ENTREP2: variants seen among roughly 807,000 people sequenced by gnomAD.
ENTREP2 encodes the protein protein ENTREP2.
At chr15:29,148,744 C>T in the ENTREP2 span, among the ~76,000 whole-genome samples, 5 of 152,080 alleles carry the variant, frequency 3.3e-5, no homozygotes, top group Admixed American at 2.0e-4. Flanking sequence ...TGGAGTGCCT[C>T]GTGGTCTTTC....
chr15:29,166,942 A>G, the ENTREP2 span, among the ~76,000 whole-genome samples: 1 of 152,250 alleles, frequency 6.6e-6, no homozygotes, highest in South Asian at 2.1e-4. Flanking sequence ...CAAAGTTGCA[A>G]AACAGCATGG....
the ENTREP2 span, among the ~76,000 whole-genome samples, chr15:29,356,492 A>C: frequency 6.6e-6 from 1 of 150,990 alleles, no homozygotes; most frequent in Non-Finnish European, 1.5e-5. Flanking sequence ...TTTTTAGTAG[A>C]GACGGGGTTT....
the ENTREP2 span, among the ~76,000 whole-genome samples, chr15:29,628,409 T>C: frequency 6.6e-6 from 1 of 152,202 alleles, no homozygotes; most frequent in African/African-American, 2.4e-5. Flanking sequence ...TCTTTACATT[T>C]GTGAAGGTTT....
At chr15:29,482,044 C>A in the ENTREP2 span, among the ~76,000 whole-genome samples, 2 of 152,036 alleles carry the variant, frequency 1.3e-5, no homozygotes, top group African/African-American at 4.8e-5. Flanking sequence ...GTTGCCCAGG[C>A]TGGAGTACAG....
At chr15:29,649,728 A>C in the ENTREP2 span, among the ~76,000 whole-genome samples, 2 of 99,340 alleles carry the variant, frequency 2.0e-5, no homozygotes, top group Non-Finnish European at 4.1e-5. Flanking sequence ...CAACAACAAC[A>C]AAAAAAAAAA....
At chr15:29,603,012 A>T in the ENTREP2 span, among the ~76,000 whole-genome samples, 1 of 152,334 alleles carries the variant, frequency 6.6e-6, no homozygotes, top group East Asian at 1.9e-4. Context: ...GGGCAGAAAG[A>T]TGTGAAGAGA....
the ENTREP2 span, among the ~76,000 whole-genome samples, chr15:29,508,920 G>T: frequency 6.6e-6 from 1 of 152,190 alleles, no homozygotes; most frequent in Admixed American, 6.5e-5. Flanking sequence ...GCAAGAGAAA[G>T]AAATAAAGGG....
chr15:29,159,803 T>C, the ENTREP2 span, among the ~76,000 whole-genome samples: 1 of 152,186 alleles, frequency 6.6e-6, no homozygotes, highest in African/African-American at 2.4e-5. Flanking sequence ...CTGGTGTATT[T>C]ATAATCCCTT....
At chr15:29,599,087 C>G in the ENTREP2 span, among the ~76,000 whole-genome samples, 2 of 152,180 alleles carry the variant, frequency 1.3e-5, no homozygotes, top group African/African-American at 2.4e-5. Flanking sequence ...ATGTTGATAG[C>G]AAGTCCATCA....
the ENTREP2 span, among the ~76,000 whole-genome samples, chr15:29,518,466 A>C: frequency 1.1e-4 from 16 of 152,200 alleles, no homozygotes; most frequent in Non-Finnish European, 1.5e-5. Flanking sequence ...AATACCAATA[A>C]ATGCACCTCC....
At chr15:29,138,702 CGTGTGTGT>C in the ENTREP2 span, among the ~76,000 whole-genome samples, 5 of 149,236 alleles carry the variant, frequency 3.4e-5, no homozygotes, top group Non-Finnish European at 5.9e-5. Context: ...TGTGTGTATG[CGTGTGTGT>C]GTGTGTGTGT....
At chr15:29,304,596 C>G in the ENTREP2 span, among the ~76,000 whole-genome samples, 1 of 152,208 alleles carries the variant, frequency 6.6e-6, no homozygotes, top group Non-Finnish European at 1.5e-5. Context: ...AACTCACCAA[C>G]CAGAGTGGGC....
the ENTREP2 span, among the ~76,000 whole-genome samples, chr15:29,316,926 A>C: frequency 6.6e-6 from 1 of 152,210 alleles, no homozygotes; most frequent in African/African-American, 2.4e-5. Context: ...CAAATATTAC[A>C]AATTTGTTTT....
the ENTREP2 span, among the ~76,000 whole-genome samples, chr15:29,538,638 C>CAAAAAAAAAA: frequency 3.0e-4 from 24 of 78,940 alleles, no homozygotes; most frequent in African/African-American, 3.7e-4. Flanking sequence ...ACTAAAAATA[C>CAAAAAAAAAA]AAAAAAAAAA....
chr15:29,584,341 A>G, the ENTREP2 span, among the ~76,000 whole-genome samples: 1 of 152,174 alleles, frequency 6.6e-6, no homozygotes, highest in Admixed American at 6.5e-5. Flanking sequence ...AGATATCTGC[A>G]CTTCATCTTC....
chr15:29,135,138 T>G, the ENTREP2 span, among the ~76,000 whole-genome samples: 2,759 of 148,486 alleles, frequency 0.019, 87 homozygotes, highest in African/African-American at 0.068. This position sits in a 1 kb window ranked among gnomAD's most constrained non-coding sequence, Gnocchi z 7.4. Context: ...CCCTGGTGAA[T>G]CTGCAAGTCT....
the ENTREP2 span, among the ~76,000 whole-genome samples, chr15:29,246,392 C>CAAAAAAAA: frequency 1.1e-5 from 1 of 90,702 alleles, no homozygotes; most frequent in Non-Finnish European, 2.2e-5. Context: ...ACCCTGTTTC[C>CAAAAAAAA]AAAAAAAAAA....
the ENTREP2 span, among the ~76,000 whole-genome samples, chr15:29,382,810 C>T: frequency 6.6e-6 from 1 of 152,138 alleles, no homozygotes; most frequent in African/African-American, 2.4e-5. Context: ...CAGGAAGGGC[C>T]AATGGATCAT....
chr15:29,505,499 A>T, the ENTREP2 span, among the ~76,000 whole-genome samples: 2,770 of 152,292 alleles, frequency 0.018, 84 homozygotes, highest in African/African-American at 0.062. The surrounding 1 kb of genome is among the most constrained non-coding windows in gnomAD (Gnocchi z 4.3). Flanking sequence ...CACCTCACAC[A>T]GGAGAGCTCT....
Sources: allele counts gnomAD v4.1 joint callset (sites outside exome capture counted in the v4.1 genomes callset), GRCh38; gene constraint gnomAD v4.1.1; non-coding constraint Gnocchi (gnomAD v3.1); transcripts MANE v1.5; gene names NCBI Gene and HGNC (gene_info 2026-07-23, HGNC 2026-07-21).